Variants in ALX4 observed in about 807,000 individuals in gnomAD.
ALX4 encodes the protein homeobox protein aristaless-like 4.
ALX4 carries 22 observed loss-of-function variants against 40.6 expected under a neutral mutation model. The observed-to-expected ratio is 0.54, with a 90% CI of 0.39 to 0.77. The LOEUF (loss-of-function observed/expected upper bound fraction) is 0.77. Ranked by LOEUF, ALX4 falls within the 30% of genes least tolerant of loss-of-function variation. The pLI, the probability that ALX4 is intolerant of heterozygous loss-of-function variation, is 0.00. For missense variants in ALX4, 556 were observed against 564.8 expected, an observed-to-expected ratio of 0.98 and a Z score of 0.16; for synonymous variants, 266 against 240.5, an observed-to-expected ratio of 1.11 and a Z score of -0.98.
intron 2 of ALX4, among the ~76,000 whole-genome samples, chr11:44,269,433 G>T (rs569897062): frequency 9.2e-5 from 14 of 152,316 alleles, no homozygotes; most frequent in Admixed American, 6.5e-5. Flanking sequence ...GGAGGGTGGG[G>T]GTGAGCAGGG....
chr11:44,275,153 A>T (rs1171180179), intron 2 of ALX4, among the ~76,000 whole-genome samples, 195 bp downstream of exon 2: 1 of 152,172 alleles, frequency 6.6e-6, no homozygotes, highest in Admixed American at 6.5e-5. Context: ...ATTAAAGAGG[A>T]TAAAAGCAGA....
chr11:44,304,086 C>T (rs1220887423), intron 1 of ALX4, among the ~76,000 whole-genome samples: 1 of 151,828 alleles, frequency 6.6e-6, no homozygotes, highest in Non-Finnish European at 1.5e-5. Context: ...CTGCTTCTCA[C>T]CTGTCTAGTG....
chr11:44,281,628 A>C (rs913147308), intron 1 of ALX4, among the ~76,000 whole-genome samples: 2 of 151,722 alleles, frequency 1.3e-5, no homozygotes, highest in African/African-American at 4.8e-5. Context: ...AGGCCCTTTC[A>C]TGCTATTGAA....
chr11:44,306,785 C>T (rs1397218054), intron 1 of ALX4, among the ~76,000 whole-genome samples: 1 of 152,124 alleles, frequency 6.6e-6, no homozygotes. Context: ...GGTAGGGATC[C>T]CACTCCAGAG....
intron 2 of ALX4, among the ~76,000 whole-genome samples, chr11:44,270,179 G>A (rs555943774): frequency 1.3e-5 from 2 of 152,220 alleles, no homozygotes; most frequent in Middle Eastern, 3.4e-3. Context: ...TGTGGGGCGC[G>A]GGCTCGCTGG....
chr11:44,282,888 T>A lies in ALX4; in HGVS notation c.467-7230A>T, dbSNP rs138064218. Among the ~76,000 whole-genome samples, 864 of 152,336 alleles carry A rather than the reference T, an allele frequency of 5.7e-3. 8 individuals carry two copies. The highest frequency in any genetic ancestry group is 0.019 in the African/African-American group (788 of 41,582). ...TGATGGAACTATTCTGTATCCTGAC[T>A]GTGGCAGTGAATACATGAATCTATA... On this transcript the variant is annotated intron_variant, in intron 1 of 3. Coordinates refer to ENST00000652299, the MANE Select transcript of ALX4 (RefSeq NM_021926.4).
At chr11:44,278,610 A>C (rs1956291520) in intron 1 of ALX4, among the ~76,000 whole-genome samples, 1 of 152,200 alleles carries the variant, frequency 6.6e-6, no homozygotes, top group South Asian at 2.1e-4. Flanking sequence ...CCAGCTGCCC[A>C]CTGAGACCAA....
chr11:44,278,313 G>A (rs536235973), intron 1 of ALX4, among the ~76,000 whole-genome samples: 25 of 152,206 alleles, frequency 1.6e-4, no homozygotes, highest in Non-Finnish European at 3.7e-4. Flanking sequence ...ATTCCGGACA[G>A]AGCACAGCCT....
rs563589023 is a variant in ALX4, at chr11:44,304,862, T to A, written c.466+4735A>T. On this transcript the variant is annotated intron_variant, in intron 1 of 3. Coordinates refer to ENST00000652299, the MANE Select transcript of ALX4 (RefSeq NM_021926.4). ...TCTGTTTTCCTACTGCGTGCCGGCG[T>A]CGCAGCGCGTGCGGCTCAGGGCTTG... is the stretch of plus-strand genomic sequence containing the variant. Among the ~76,000 whole-genome samples, 8 of 152,286 alleles carry A rather than the reference T, an allele frequency of 5.3e-5. No individual in the cohort carries two copies. In the South Asian group the frequency reaches 1.5e-3, roughly 28 times the overall value.
At chr11:44,294,314 T>A (rs1956390492) in intron 1 of ALX4, among the ~76,000 whole-genome samples, 1 of 152,202 alleles carries the variant, frequency 6.6e-6, no homozygotes, top group Non-Finnish European at 1.5e-5. Flanking sequence ...CCAGGAAGGG[T>A]GCAGAGGTTG....
chr11:44,273,226 T>A (rs535904877), intron 2 of ALX4, among the ~76,000 whole-genome samples: 2 of 151,710 alleles, frequency 1.3e-5, no homozygotes, highest in African/African-American at 4.8e-5. Context: ...CTCTTTGTTC[T>A]GAAGCTATTG....
At chr11:44,265,268 C>G in intron 3 of ALX4, 85 bp from the exon 4 acceptor site, 2 of 1,225,258 alleles carry the variant, frequency 1.6e-6, no homozygotes, top group South Asian at 1.6e-5. Flanking sequence ...AGCACCTCTC[C>G]CCTCACTGTC....
chr11:44,305,558 AT>A (rs1956461613), intron 1 of ALX4, among the ~76,000 whole-genome samples: 1 of 152,198 alleles, frequency 6.6e-6, no homozygotes, highest in Non-Finnish European at 1.5e-5. Context: ...CGTCTCTTGT[AT>A]ACAAAACACA....
intron 2 of ALX4, among the ~76,000 whole-genome samples, chr11:44,269,620 G>C (rs919390760): frequency 2.6e-5 from 4 of 152,344 alleles, no homozygotes; most frequent in African/African-American, 7.2e-5. Flanking sequence ...CCTCTCCCCA[G>C]TTTGGGGTCT....
intron 1 of ALX4, among the ~76,000 whole-genome samples, chr11:44,295,219 C>T (rs902719876): frequency 6.6e-6 from 1 of 152,132 alleles, no homozygotes; most frequent in African/African-American, 2.4e-5. Flanking sequence ...ATTCTTATCC[C>T]CACTTTACAG....
intron 2 of ALX4, among the ~76,000 whole-genome samples, chr11:44,272,017 C>T (rs556098651): frequency 1.3e-5 from 2 of 152,346 alleles, no homozygotes; most frequent in South Asian, 4.1e-4. Context: ...CCTGTGGGTC[C>T]TCCCCAATCC....
chr11:44,277,884 G>A (rs557427601), intron 1 of ALX4, among the ~76,000 whole-genome samples: 1 of 152,364 alleles, frequency 6.6e-6, no homozygotes, highest in East Asian at 1.9e-4. Context: ...ACCTGTGTGA[G>A]CCCAGGCACA....
intron 1 of ALX4, among the ~76,000 whole-genome samples, chr11:44,303,061 G>A (rs1332366212): frequency 1.3e-5 from 2 of 152,040 alleles, no homozygotes; most frequent in East Asian, 3.9e-4. Flanking sequence ...TGTGGGCCCC[G>A]GTCCCCACGT....
intron 1 of ALX4, among the ~76,000 whole-genome samples, chr11:44,288,652 C>A (rs1956352720): frequency 6.6e-6 from 1 of 152,182 alleles, no homozygotes; most frequent in South Asian, 2.1e-4. Context: ...CCCCAGCCCT[C>A]TGGAAGCCCT....
Sources: allele counts gnomAD v4.1 joint callset (sites outside exome capture counted in the v4.1 genomes callset), GRCh38; gene constraint gnomAD v4.1.1; transcripts MANE v1.5; gene names NCBI Gene and HGNC (gene_info 2026-07-23, HGNC 2026-07-21).